Variants in DOCK7 observed in about 807,000 individuals in gnomAD.
The protein encoded by DOCK7 is dedicator of cytokinesis protein 7.
Under a neutral mutation model 271.0 loss-of-function variants are expected in DOCK7, and 138 were observed. The observed-to-expected ratio is 0.51, with a 90% CI of 0.44 to 0.59. DOCK7 has a LOEUF of 0.59. DOCK7 is among the 20% of genes least tolerant of loss of function. The probability of loss-of-function intolerance (pLI) is 0.00; values close to 1 mark genes in which losing one functional copy is unlikely to be tolerated. For missense variants in DOCK7, 2,066 were observed against 2,592.4 expected, an observed-to-expected ratio of 0.80 and a Z score of 4.41; for synonymous variants, 823 against 876.1, an observed-to-expected ratio of 0.94 and a Z score of 1.07.
At chr1:62,582,433 C>G (rs951141571) in intron 16 of DOCK7, among the ~76,000 whole-genome samples, 6 of 148,070 alleles carry the variant, frequency 4.1e-5, no homozygotes, top group Non-Finnish European at 7.5e-5. Context: ...GCCTGTAGTC[C>G]CAGCTACTTG....
At chr1:62,591,859 C>A (rs1249472069) in intron 14 of DOCK7, among the ~76,000 whole-genome samples, 1 of 152,080 alleles carries the variant, frequency 6.6e-6, no homozygotes, top group Non-Finnish European at 1.5e-5. Context: ...ATTTTTATAT[C>A]TCCTCTAATA....
At chr1:62,685,682 C>T (rs1661647857) in intron 1 of DOCK7, among the ~76,000 whole-genome samples, 1 of 152,172 alleles carries the variant, frequency 6.6e-6, no homozygotes, top group Non-Finnish European at 1.5e-5. Flanking sequence ...TCAAAATTAA[C>T]ATGTCCAAAA....
At chr1:62,545,102 T>C in intron 22 of DOCK7, 63 bp from the exon 23 acceptor site, 5 of 1,388,404 alleles carry the variant, frequency 3.6e-6, no homozygotes, top group Non-Finnish European at 4.9e-6. Flanking sequence ...TGCTATAAAT[T>C]ATTCTTAAAG....
intron 44 of DOCK7, among the ~76,000 whole-genome samples, chr1:62,476,840 C>T (rs1457541614): frequency 6.6e-6 from 1 of 152,088 alleles, no homozygotes; most frequent in Non-Finnish European, 1.5e-5. Flanking sequence ...TTAATATTTC[C>T]CAAGACTTAC....
At chr1:62,547,111 C>T (rs1465026495) in intron 22 of DOCK7, among the ~76,000 whole-genome samples, 1 of 151,946 alleles carries the variant, frequency 6.6e-6, no homozygotes, top group African/African-American at 2.4e-5. Flanking sequence ...ATGATAATCG[C>T]TAATATGAGA....
At chr1:62,645,611 T>C in intron 7 of DOCK7, among the ~76,000 whole-genome samples, 1 of 152,206 alleles carries the variant, frequency 6.6e-6, no homozygotes, top group African/African-American at 2.4e-5. Flanking sequence ...ATTGCAATAA[T>C]AGTTGCACAA....
At chr1:62,616,981 T>C (rs893828418) in intron 14 of DOCK7, among the ~76,000 whole-genome samples, 7 of 151,458 alleles carry the variant, frequency 4.6e-5, no homozygotes, top group Non-Finnish European at 1.0e-4. Flanking sequence ...GTAAAGATAC[T>C]GTCAGACATA....
chr1:62,667,016 A>C (rs1485542217), intron 1 of DOCK7, among the ~76,000 whole-genome samples: 1 of 152,244 alleles, frequency 6.6e-6, no homozygotes, highest in Non-Finnish European at 1.5e-5. Context: ...TGTTGGAAAT[A>C]ACTAGCAAAA....
intron 1 of DOCK7, among the ~76,000 whole-genome samples, chr1:62,668,358 G>A (rs182569109): frequency 3.9e-5 from 6 of 152,230 alleles, no homozygotes; most frequent in Non-Finnish European, 7.4e-5. Context: ...TAAGAGGGTG[G>A]AAAAACAGAT....
At position 62,638,580 on chromosome 1, in the gene DOCK7, T is replaced by C. The variant is rs562266511; in HGVS notation, c.819-1977A>G. ...ATTTTTTCATGAATATATATTTTCA[T>C]GAATATATATTTTCATGAATATATA... On this transcript the variant is annotated intron_variant, in intron 7 of 49. Transcript: ENST00000635253. Among the ~76,000 whole-genome samples the C allele has an allele frequency of 4.4e-4, 66 of 149,104 alleles. 1 individual carries two copies. The South Asian group carries it at 0.013, about 30-fold the overall frequency.
chr1:62,466,310 G>C (rs1245436805), intron 48 of DOCK7, among the ~76,000 whole-genome samples: 1 of 152,056 alleles, frequency 6.6e-6, no homozygotes, highest in Admixed American at 6.5e-5. Flanking sequence ...TGAGCACCAG[G>C]ATTTAAGGCA....
intron 1 of DOCK7, among the ~76,000 whole-genome samples, chr1:62,678,039 G>A (rs533868215): frequency 6.6e-6 from 1 of 152,122 alleles, no homozygotes; most frequent in East Asian, 1.9e-4. Flanking sequence ...GAGGTGAGAG[G>A]ACAGCTTGAG....
chr1:62,572,630 A>C (rs1332837703), intron 18 of DOCK7, among the ~76,000 whole-genome samples: 1 of 125,382 alleles, frequency 8.0e-6, no homozygotes, highest in Non-Finnish European at 1.7e-5. Flanking sequence ...CCTTCTTGCA[A>C]CTGGGGGAGA....
chr1:62,539,470 T>C, intron 27 of DOCK7, 75 bp downstream of exon 27: 1 of 1,282,302 alleles, frequency 7.8e-7, no homozygotes, highest in Non-Finnish European at 1.1e-6. Context: ...TTAAGGTCTC[T>C]TAGCTCTAAC....
chr1:62,625,550 T>G, intron 11 of DOCK7, 149 bp from the exon 12 acceptor site: 1 of 700,804 alleles, frequency 1.4e-6, no homozygotes, highest in Admixed American at 2.9e-5. Flanking sequence ...TTTGGAGAGA[T>G]TAGTAAGAAA....
At chr1:62,583,903 G>C (rs964177843) in intron 15 of DOCK7, among the ~76,000 whole-genome samples, 1 of 152,124 alleles carries the variant, frequency 6.6e-6, no homozygotes, top group Non-Finnish European at 1.5e-5. Flanking sequence ...GACTTCTGGA[G>C]TAATAACAGG....
chr1:62,601,802 G>GAGGT (rs1417795722), intron 14 of DOCK7: 1 of 1,609,592 alleles, frequency 6.2e-7, no homozygotes, highest in African/African-American at 1.3e-5. Context: ...ATTTATAACA[G>GAGGT]AGGTGAACAT....
At chr1:62,658,477 A>C (rs190619071) in intron 2 of DOCK7, among the ~76,000 whole-genome samples, 6 of 152,176 alleles carry the variant, frequency 3.9e-5, no homozygotes, top group Admixed American at 3.3e-4. Flanking sequence ...AAATAAAATA[A>C]AACAAAATCT....
At chr1:62,584,369 T>C (rs1647260396) in intron 15 of DOCK7, 2 of 987,162 alleles carry the variant, frequency 2.0e-6, no homozygotes, top group African/African-American at 3.5e-5. Flanking sequence ...CAATATTACA[T>C]TATCAAAAAG....
Sources: allele counts gnomAD v4.1 joint callset (sites outside exome capture counted in the v4.1 genomes callset), GRCh38; gene constraint gnomAD v4.1.1; transcripts MANE v1.5; gene names NCBI Gene and HGNC (gene_info 2026-07-23, HGNC 2026-07-21).